Variants in CCDC175 observed in about 807,000 individuals in gnomAD.
The protein encoded by CCDC175 is coiled-coil domain containing 175, also known as coiled-coil domain-containing protein 175.
A neutral mutation model predicts 114.6 loss-of-function variants in CCDC175; 100 were observed. The ratio of observed to expected loss-of-function variants is 0.87; its 90% confidence interval spans 0.74 to 1.03. The LOEUF is 1.03. Among genes scored for constraint, CCDC175 ranks in the 50% least tolerant of loss-of-function variants. The pLI is 0.00. For missense variants in CCDC175, 880 were observed against 917.8 expected (o/e 0.96, Z 0.53); for synonymous variants, 306 against 308.7 (o/e 0.99, Z 0.09).
chr14:59,534,685 T>A (rs1470948574), intron 13 of CCDC175, among the ~76,000 whole-genome samples: 1 of 152,222 alleles, frequency 6.6e-6, no homozygotes, highest in Admixed American at 6.5e-5. Context: ...GGCCTGGGCT[T>A]GTCCATGCTT....
intron 11 of CCDC175, 110 bp from the exon 12 acceptor site, chr14:59,538,950 G>T: frequency 1.0e-6 from 1 of 967,484 alleles, no homozygotes; most frequent in Non-Finnish European, 1.5e-6. Context: ...AAAATTGTTT[G>T]TGCTATTAGT....
chr14:59,575,126 T>C, intron 1 of CCDC175, 98 bp from the exon 2 acceptor site: 1 of 601,794 alleles, frequency 1.7e-6, no homozygotes, highest in Non-Finnish European at 2.8e-6. Flanking sequence ...GGCTGGAAGT[T>C]ACATCTTCAG....
chr14:59,534,196 A>C (rs953630639), intron 13 of CCDC175, among the ~76,000 whole-genome samples: 1 of 152,140 alleles, frequency 6.6e-6, no homozygotes, highest in African/African-American at 2.4e-5. Context: ...GGTTCAGTGT[A>C]GCAAGTTGCT....
chr14:59,543,135 C>T (rs1894889102), intron 10 of CCDC175, among the ~76,000 whole-genome samples: 1 of 152,098 alleles, frequency 6.6e-6, no homozygotes, highest in Non-Finnish European at 1.5e-5. Context: ...TTCCTGGGGC[C>T]CAGGAGCTCC....
intron 14 of CCDC175, 146 bp downstream of exon 14, chr14:59,531,626 A>G (rs1894079570): frequency 1.9e-6 from 1 of 515,840 alleles, no homozygotes; most frequent in South Asian, 4.2e-5. Flanking sequence ...GGTGAAGCAA[A>G]AACTAGAGAA....
chr14:59,540,174 A>G (rs1390182929), intron 11 of CCDC175, among the ~76,000 whole-genome samples: 3 of 152,236 alleles, frequency 2.0e-5, no homozygotes, highest in Admixed American at 6.5e-5. Context: ...AGTATTTTAC[A>G]TGTATCATCT....
chr14:59,524,311 C>T (rs992486846), intron 16 of CCDC175, among the ~76,000 whole-genome samples: 2 of 144,992 alleles, frequency 1.4e-5, no homozygotes, highest in Non-Finnish European at 3.0e-5. Flanking sequence ...AATGTTAAAA[C>T]GAATACATTT....
chr14:59,518,995 A>C (rs370492518), intron 17 of CCDC175, among the ~76,000 whole-genome samples: 2 of 152,242 alleles, frequency 1.3e-5, no homozygotes, highest in East Asian at 3.8e-4. Flanking sequence ...GCCATAAAAA[A>C]TGATGAGTTC....
intron 19 of CCDC175, among the ~76,000 whole-genome samples, chr14:59,508,397 A>AACACACACACAC (rs1892548459): frequency 6.8e-5 from 1 of 14,780 alleles, no homozygotes; most frequent in African/African-American, 2.7e-4. Flanking sequence ...TCGTCTCCAA[A>AACACACACACAC]ATACACACAC....
At chr14:59,561,815 A>G (rs985213099) in intron 6 of CCDC175, among the ~76,000 whole-genome samples, 3 of 152,216 alleles carry the variant, frequency 2.0e-5, no homozygotes, top group African/African-American at 7.2e-5. Flanking sequence ...CAAGAAAAGG[A>G]AAGTCTAACT....
chr14:59,510,354 G>A (rs968498705), intron 19 of CCDC175: 8 of 277,480 alleles, frequency 2.9e-5, no homozygotes, highest in African/African-American at 1.3e-4. Flanking sequence ...TAAAAAATGT[G>A]TAAAAGAGTT....
chr14:59,533,361 T>C (rs1003518491), intron 13 of CCDC175, among the ~76,000 whole-genome samples: 1 of 152,214 alleles, frequency 6.6e-6, no homozygotes, highest in Non-Finnish European at 1.5e-5. Context: ...TAGCTGATAT[T>C]CTACCTTCAT....
chr14:59,510,191 G>A (rs1231599128), intron 19 of CCDC175, among the ~76,000 whole-genome samples: 2 of 152,146 alleles, frequency 1.3e-5, no homozygotes, highest in Non-Finnish European at 1.5e-5. Flanking sequence ...GCTTGCTCAT[G>A]AGTCAAGCAT....
intron 7 of CCDC175, among the ~76,000 whole-genome samples, chr14:59,551,862 C>T (rs997247569): frequency 3.9e-5 from 6 of 152,168 alleles, no homozygotes; most frequent in East Asian, 1.9e-4. Context: ...CATGGAGCCT[C>T]GCTCATTGCT....
intron 13 of CCDC175, among the ~76,000 whole-genome samples, chr14:59,534,871 G>T (rs1036499005): frequency 4.6e-5 from 7 of 152,094 alleles, no homozygotes; most frequent in African/African-American, 1.7e-4. Flanking sequence ...TAATATTCAG[G>T]GCTGTTTTCC....
chr14:59,554,619 G>A (rs1342667663), intron 7 of CCDC175, among the ~76,000 whole-genome samples: 2 of 152,126 alleles, frequency 1.3e-5, no homozygotes, highest in African/African-American at 4.8e-5. Context: ...TAAGATCAGA[G>A]CAGAACTGAA....
rs527568178 is a variant in CCDC175, at chr14:59,563,867, G to C, written c.721-8C>G. 7.2e-7 allele frequency: 1 copy of C among 1,391,134 alleles called. No homozygotes were observed. The highest frequency in any genetic ancestry group is 2.9e-5 in the East Asian group (1 of 34,728). The allele number at this position is 1,391,134 out of a possible 1,614,324, so 86.2% of individuals were successfully genotyped here. On this transcript the variant is annotated splice_region_variant and splice_polypyrimidine_tract_variant and intron_variant, in intron 5 of 19. Coordinates refer to ENST00000537690, the MANE Select transcript of CCDC175 (RefSeq NM_001164399.2). ...ATTTTCAAATTCATTAATCTATAGT[G>C]ACAAGCATAAGAAACCAATTTAAAA...
chr14:59,505,366 T>TG (rs957384360), intron 19 of CCDC175, 51 bp from the exon 20 acceptor site: 2 of 993,166 alleles, frequency 2.0e-6, no homozygotes, highest in Non-Finnish European at 2.9e-6. Flanking sequence ...TGCACACATT[T>TG]GGGGGGTTAT....
At chr14:59,570,335 C>T (rs1896775256) in intron 3 of CCDC175, among the ~76,000 whole-genome samples, 1 of 152,094 alleles carries the variant, frequency 6.6e-6, no homozygotes, top group African/African-American at 2.4e-5. Flanking sequence ...CCTCTGCTGA[C>T]AAAGCTGAAC....
Sources: allele counts gnomAD v4.1 joint callset (sites outside exome capture counted in the v4.1 genomes callset), GRCh38; gene constraint gnomAD v4.1.1; transcripts MANE v1.5; gene names NCBI Gene and HGNC (gene_info 2026-07-23, HGNC 2026-07-21).